Variants in CNTNAP2 observed in about 807,000 individuals in gnomAD.
CNTNAP2 encodes contactin associated protein 2.
CNTNAP2 carries 98 observed loss-of-function variants against 155.2 expected under a neutral mutation model. That is an observed-to-expected ratio of 0.63 (90% CI 0.54 to 0.75). CNTNAP2 has a LOEUF of 0.75. Among genes scored for constraint, CNTNAP2 ranks in the 30% least tolerant of loss-of-function variants. The pLI is 0.00. For synonymous variants in CNTNAP2, 651 were observed against 631.2 expected (o/e 1.03, Z -0.47); for missense variants, 1,727 against 1,688.1 (o/e 1.02, Z -0.40).
intron 8 of CNTNAP2, among the ~76,000 whole-genome samples, chr7:147,179,839 C>G (rs368355652): frequency 1.3e-5 from 2 of 152,124 alleles, no homozygotes; most frequent in East Asian, 3.9e-4. Context: ...TATATGGGTA[C>G]TAGAGTAAGT....
At chr7:148,331,742 T>TGGAATGGAC in intron 21 of CNTNAP2, among the ~76,000 whole-genome samples, 1 of 4,032 alleles carries the variant, frequency 2.5e-4, no homozygotes, top group Non-Finnish European at 7.5e-4. Context: ...ATGGAGTGGA[T>TGGAATGGAC]GGATGGAACG....
intron 2 of CNTNAP2, among the ~76,000 whole-genome samples, chr7:146,823,209 TTAAA>T (rs1016116346): frequency 3.5e-4 from 52 of 149,862 alleles, no homozygotes; most frequent in Non-Finnish European, 6.8e-4. Context: ...TTCAGTATAT[TTAAA>T]TATGAGTATA....
At chr7:147,662,615 A>G (rs1795629608) in intron 13 of CNTNAP2, among the ~76,000 whole-genome samples, 2 of 152,204 alleles carry the variant, frequency 1.3e-5, no homozygotes, top group African/African-American at 4.8e-5. Context: ...TGAGTGATGA[A>G]CACTTCTTAC....
At chr7:147,315,702 G>T (rs913457420) in intron 9 of CNTNAP2, among the ~76,000 whole-genome samples, 26 of 151,820 alleles carry the variant, frequency 1.7e-4, no homozygotes, top group African/African-American at 6.0e-4. Context: ...TGATGGTCTC[G>T]ATCTCCTGAC....
intron 1 of CNTNAP2, among the ~76,000 whole-genome samples, chr7:146,147,135 A>G (rs548745818): frequency 1.3e-5 from 2 of 152,176 alleles, no homozygotes; most frequent in African/African-American, 2.4e-5. Context: ...TTCAATTGCC[A>G]GGAATTCTTC....
At chr7:146,215,305 T>C (rs1799096351) in intron 1 of CNTNAP2, among the ~76,000 whole-genome samples, 1 of 152,176 alleles carries the variant, frequency 6.6e-6, no homozygotes, top group African/African-American at 2.4e-5. Context: ...TCTTAACAAA[T>C]GTACAATCAT....
intron 15 of CNTNAP2, among the ~76,000 whole-genome samples, chr7:148,074,418 C>T (rs749321288): frequency 6.6e-6 from 1 of 152,148 alleles, no homozygotes; most frequent in Non-Finnish European, 1.5e-5. Context: ...AGGCCAGACC[C>T]GGTGGCTCAC....
chr7:147,150,633 C>T (rs1041985949), intron 8 of CNTNAP2, among the ~76,000 whole-genome samples: 2 of 152,056 alleles, frequency 1.3e-5, no homozygotes, highest in Admixed American at 6.6e-5. Context: ...TAGAGAAAAC[C>T]TAGGCTAATG....
At chr7:148,305,146 C>T (rs1460182598) in intron 21 of CNTNAP2, among the ~76,000 whole-genome samples, 1 of 143,570 alleles carries the variant, frequency 7.0e-6, no homozygotes, top group Non-Finnish European at 1.5e-5. Flanking sequence ...TCACTTGAGC[C>T]CAGGAATTGG....
intron 21 of CNTNAP2, among the ~76,000 whole-genome samples, chr7:148,310,158 G>A (rs1797568174): frequency 6.6e-6 from 1 of 152,156 alleles, no homozygotes; most frequent in Non-Finnish European, 1.5e-5. Flanking sequence ...AGAATTGGGA[G>A]GACCTAGGAC....
intron 20 of CNTNAP2, among the ~76,000 whole-genome samples, chr7:148,258,398 A>C (rs553714200): frequency 6.6e-6 from 1 of 152,344 alleles, no homozygotes; most frequent in East Asian, 1.9e-4. Flanking sequence ...TCAGGAACAA[A>C]GTGATTCTAG....
intron 1 of CNTNAP2, among the ~76,000 whole-genome samples, chr7:146,696,500 C>T (rs1800785051): frequency 6.6e-6 from 1 of 152,084 alleles, no homozygotes; most frequent in Non-Finnish European, 1.5e-5. Flanking sequence ...ATTTACTCTA[C>T]TAATTTCCTG....
intron 21 of CNTNAP2, among the ~76,000 whole-genome samples, chr7:148,300,880 GTTGTTGTT>G (rs143915002): frequency 0.056 from 8,493 of 152,188 alleles, 586 homozygotes; most frequent in Admixed American, 0.2. Flanking sequence ...ACAATGGGGA[GTTGTTGTT>G]TAATGGGTAT....
At chr7:146,992,324 C>T (rs1004534467) in intron 3 of CNTNAP2, among the ~76,000 whole-genome samples, 4 of 152,116 alleles carry the variant, frequency 2.6e-5, no homozygotes, top group Non-Finnish European at 5.9e-5. Context: ...ATTGCCAGGT[C>T]AAGTATTATA....
intron 11 of CNTNAP2, among the ~76,000 whole-genome samples, chr7:147,539,548 A>G (rs1799604686): frequency 6.6e-6 from 1 of 152,178 alleles, no homozygotes; most frequent in South Asian, 2.1e-4. Context: ...ACAAATTGAG[A>G]TTCTTGAAAG....
At chr7:146,345,338 A>G (rs1297591224) in intron 1 of CNTNAP2, among the ~76,000 whole-genome samples, 1 of 152,180 alleles carries the variant, frequency 6.6e-6, no homozygotes, top group Admixed American at 6.5e-5. Flanking sequence ...GAACCCAAAC[A>G]AAGAGATTGT....
intron 13 of CNTNAP2, among the ~76,000 whole-genome samples, chr7:147,700,658 ATTGG>A (rs1796223502): frequency 6.6e-6 from 1 of 152,186 alleles, no homozygotes; most frequent in South Asian, 2.1e-4. Flanking sequence ...TTGGAAACTT[ATTGG>A]TGTTTTATGA....
chr7:146,201,626 T>A (rs576013828), intron 1 of CNTNAP2, among the ~76,000 whole-genome samples: 32 of 146,450 alleles, frequency 2.2e-4, no homozygotes, highest in African/African-American at 7.3e-4. Flanking sequence ...AACTTTTTTT[T>A]AAATGTCCCA....
chr7:147,086,493 A>G (rs928965395), intron 4 of CNTNAP2, among the ~76,000 whole-genome samples: 20 of 152,044 alleles, frequency 1.3e-4, no homozygotes, highest in African/African-American at 3.9e-4. Flanking sequence ...ATGGAGTGCA[A>G]TGGCATGATC....
Sources: allele counts gnomAD v4.1 joint callset (sites outside exome capture counted in the v4.1 genomes callset), GRCh38; gene constraint gnomAD v4.1.1; transcripts MANE v1.5; gene names NCBI Gene and HGNC (gene_info 2026-07-23, HGNC 2026-07-21).